The following AOPEP variants were observed in gnomAD, a reference collection of about 807,000 sequenced individuals.
The protein encoded by AOPEP is aminopeptidase O.
A neutral mutation model predicts 98.1 loss-of-function variants in AOPEP; 77 were observed. That is an observed-to-expected ratio of 0.78 (90% CI 0.65 to 0.95). The LOEUF (loss-of-function observed/expected upper bound fraction) is 0.95, where lower values mean the gene tolerates loss of function less well. Among genes scored for constraint, AOPEP ranks in the 40% least tolerant of loss-of-function variants. AOPEP has a pLI of 0.00. For missense variants in AOPEP, 1,024 were observed against 1,024.7 expected (o/e 1.00, Z 0.01); for synonymous variants, 346 against 365.3 (o/e 0.95, Z 0.60).
chr9:94,751,932 G>A (rs1266872694), intron 1 of AOPEP, among the ~76,000 whole-genome samples: 2 of 130,082 alleles, frequency 1.5e-5, no homozygotes, highest in African/African-American at 6.0e-5. Flanking sequence ...TCGCTGTGTT[G>A]CTCAGGCTGG....
intron 4 of AOPEP, among the ~76,000 whole-genome samples, chr9:94,796,912 C>A (rs932191296): frequency 6.6e-6 from 1 of 152,014 alleles, no homozygotes; most frequent in Admixed American, 6.6e-5. Flanking sequence ...AGTTTAAACA[C>A]GACACAGAAA....
At chr9:94,847,233 C>CA (rs1369335494) in intron 5 of AOPEP, among the ~76,000 whole-genome samples, 2 of 152,070 alleles carry the variant, frequency 1.3e-5, no homozygotes, top group African/African-American at 4.8e-5. Context: ...ACCATGCCTG[C>CA]AGTGCAGGGT....
At chr9:95,075,818 T>G (rs924485989) in intron 14 of AOPEP, among the ~76,000 whole-genome samples, 1 of 151,906 alleles carries the variant, frequency 6.6e-6, no homozygotes, top group Non-Finnish European at 1.5e-5. Context: ...GCCTGGGAGG[T>G]GGAGTCTGTG....
intron 11 of AOPEP, among the ~76,000 whole-genome samples, chr9:95,002,900 A>T (rs1344145928): frequency 6.6e-6 from 1 of 152,246 alleles, no homozygotes; most frequent in Non-Finnish European, 1.5e-5. Context: ...GACAAAGGAC[A>T]AACGAGACAA....
At position 94,933,599 on chromosome 9, in the gene AOPEP, C is replaced by T. The variant is rs1445174349; in HGVS notation, c.1661+5068C>T. The T allele has an allele frequency of 3.0e-6, 3 of 985,398 alleles. No homozygotes were observed. The East Asian group carries it at 3.4e-4, about 112-fold the overall frequency. 61.0% of individuals were successfully genotyped at this position (985,398 alleles called of 1,614,324 possible). A position where few individuals can be genotyped will look rare whatever the true frequency, so the allele number is the denominator to read the frequency against. The stretch of plus-strand genomic sequence containing the variant: ...ATGCCTCATCCCTTGATCACAAAAA[C>T]ATCCCTTAATAATAGGGGGAAAACC... On this transcript the variant is annotated intron_variant, in intron 7 of 16. Coordinates refer to ENST00000375315, the MANE Select transcript of AOPEP (RefSeq NM_001193329.3).
chr9:94,821,970 A>AACACACACACACACACACAC (rs34645632), intron 5 of AOPEP, among the ~76,000 whole-genome samples: 53 of 141,354 alleles, frequency 3.7e-4, no homozygotes, highest in Non-Finnish European at 6.1e-4. Flanking sequence ...TGTGTGTGTA[A>AACACACACACACACACACAC]ACACACACAC....
rs114112531 is a variant in AOPEP, at chr9:95,004,262, T to C, written c.1978-896T>C. ...GGCCTTTGGCGGGTGGAGGAAAATC[T>C]TGGGGTATCGCACATTTTTATAAAG... is the stretch of plus-strand genomic sequence containing the variant. On this transcript the variant is annotated intron_variant, in intron 11 of 16. Coordinates refer to ENST00000375315, the MANE Select transcript of AOPEP (RefSeq NM_001193329.3). The C allele has an allele frequency of 4.4e-3, 2,012 of 456,726 alleles. 40 individuals carry two copies. Among genetic ancestry groups the C allele is most frequent in the African/African-American group, 0.037 (1,873 of 50,214 alleles). The allele number at this position is 456,726 out of a possible 1,614,324, so 28.3% of individuals were successfully genotyped here.
intron 11 of AOPEP, among the ~76,000 whole-genome samples, chr9:94,991,502 G>A (rs2060890742): frequency 6.6e-6 from 1 of 152,194 alleles, no homozygotes; most frequent in Non-Finnish European, 1.5e-5. Context: ...GCAGAGCTAT[G>A]GCTTGAGTAC....
intron 5 of AOPEP, among the ~76,000 whole-genome samples, chr9:94,802,130 A>G (rs1347134903): frequency 6.6e-6 from 1 of 152,162 alleles, no homozygotes; most frequent in Non-Finnish European, 1.5e-5. Flanking sequence ...CGTGCATCAT[A>G]TAATTGTCTT....
At chr9:95,108,866 A>C in the AOPEP span, among the ~76,000 whole-genome samples, 1 of 151,794 alleles carries the variant, frequency 6.6e-6, no homozygotes, top group East Asian at 1.9e-4. Context: ...ATGTACTATA[A>C]GCAGTTCAGT....
intron 9 of AOPEP, among the ~76,000 whole-genome samples, chr9:94,957,317 C>G (rs2058532374): frequency 6.6e-6 from 1 of 152,192 alleles, no homozygotes; most frequent in Admixed American, 6.5e-5. Flanking sequence ...AAGTGATTCT[C>G]CCGCCTCAGC....
chr9:94,769,582 G>A (rs1270391390), intron 2 of AOPEP, among the ~76,000 whole-genome samples: 1 of 152,190 alleles, frequency 6.6e-6, no homozygotes, highest in African/African-American at 2.4e-5. Context: ...TATATTAATG[G>A]GGTGTGGCTT....
At chr9:94,880,055 C>T (rs904526483) in intron 5 of AOPEP, among the ~76,000 whole-genome samples, 3 of 152,120 alleles carry the variant, frequency 2.0e-5, no homozygotes, top group Non-Finnish European at 2.9e-5. Flanking sequence ...AATAGATCAC[C>T]GTATGGGAGT....
intron 5 of AOPEP, among the ~76,000 whole-genome samples, chr9:94,852,200 CA>C (rs1268586635): frequency 6.6e-6 from 1 of 152,164 alleles, no homozygotes; most frequent in African/African-American, 2.4e-5. Context: ...TTTAAAAATA[CA>C]AGTACTTGGA....
At chr9:94,877,579 C>T (rs1314039869) in intron 5 of AOPEP, among the ~76,000 whole-genome samples, 2 of 152,016 alleles carry the variant, frequency 1.3e-5, no homozygotes, top group African/African-American at 2.4e-5. Context: ...CAGCACCATA[C>T]CTGGCTAACT....
chr9:94,815,695 C>T (rs1371640928), intron 5 of AOPEP, among the ~76,000 whole-genome samples: 1 of 152,176 alleles, frequency 6.6e-6, no homozygotes, highest in Admixed American at 6.5e-5. Context: ...CTTGAAGCAG[C>T]AACCATTGCC....
chr9:95,072,192 A>T (rs1235433950), intron 14 of AOPEP, among the ~76,000 whole-genome samples: 1 of 152,236 alleles, frequency 6.6e-6, no homozygotes. Context: ...GTTCTTGTAA[A>T]TAACGTTTTA....
the AOPEP span, among the ~76,000 whole-genome samples, chr9:95,129,048 A>T: frequency 2.0e-5 from 3 of 151,942 alleles, no homozygotes; most frequent in Non-Finnish European, 2.9e-5. Context: ...GATTACAGGC[A>T]CGTGCCACCA....
the AOPEP span, among the ~76,000 whole-genome samples, chr9:95,143,896 A>G: frequency 6.6e-6 from 1 of 152,222 alleles, no homozygotes; most frequent in South Asian, 2.1e-4. Context: ...AAGTTCCTCT[A>G]GGTTATCTAA....
Sources: allele counts gnomAD v4.1 joint callset (sites outside exome capture counted in the v4.1 genomes callset), GRCh38; gene constraint gnomAD v4.1.1; transcripts MANE v1.5; gene names NCBI Gene and HGNC (gene_info 2026-07-23, HGNC 2026-07-21).